Variants in ASTN2 observed in about 807,000 individuals in gnomAD.
ASTN2 encodes astrotactin 2.
A neutral mutation model predicts 139.8 loss-of-function variants in ASTN2; 54 were observed. That is an observed-to-expected ratio of 0.39 (90% CI 0.31 to 0.48). The LOEUF (loss-of-function observed/expected upper bound fraction) is 0.48, where lower values mean the gene tolerates loss of function less well. Ranked by LOEUF, ASTN2 falls within the 20% of genes least tolerant of loss-of-function variation. The probability of loss-of-function intolerance (pLI) is 0.95; values close to 1 mark genes in which losing one functional copy is unlikely to be tolerated. For synonymous variants in ASTN2, 756 were observed against 719.5 expected, an observed-to-expected ratio of 1.05 and a Z score of -0.81; for missense variants, 1,565 against 1,725.1, an observed-to-expected ratio of 0.91 and a Z score of 1.64.
chr9:116,447,986 T>C (rs1251402621), intron 20 of ASTN2, among the ~76,000 whole-genome samples: 3 of 152,122 alleles, frequency 2.0e-5, no homozygotes, highest in African/African-American at 7.2e-5. Context: ...TAATTGGCAG[T>C]GAGAGCTTCT....
chr9:116,758,076 C>T (rs969045652), intron 13 of ASTN2, among the ~76,000 whole-genome samples: 8 of 152,064 alleles, frequency 5.3e-5, no homozygotes, highest in African/African-American at 1.9e-4. Context: ...TCCACTGTGC[C>T]TCAGTTTCCT....
chr9:116,878,665 C>A (rs993810190), intron 10 of ASTN2, among the ~76,000 whole-genome samples: 2 of 151,966 alleles, frequency 1.3e-5, no homozygotes, highest in African/African-American at 4.8e-5. Flanking sequence ...ACCTATGCAA[C>A]AAACCTGCAT....
rs1193362779 is a variant in ASTN2, at chr9:117,391,669, A to G, written c.442+22828T>C. 5.3e-5 allele frequency among the ~76,000 whole-genome samples: 8 copies of G among 152,264 alleles called. No individual in the cohort carries two copies. In the East Asian group the frequency reaches 1.4e-3, roughly 26 times the overall value. On this transcript the variant is annotated intron_variant, in intron 1 of 22. Transcript: ENST00000313400. ...CCCTCCCAAATCTCATCTTGTAAGC[A>G]CATTTCAAAACCATTCATGCCTTCC...
chr9:116,594,594 C>CA (rs1854494408), intron 19 of ASTN2, among the ~76,000 whole-genome samples: 2 of 152,178 alleles, frequency 1.3e-5, no homozygotes, highest in Non-Finnish European at 2.9e-5. Context: ...ACTTTATGTT[C>CA]AGCCAGTTAA....
intron 10 of ASTN2, among the ~76,000 whole-genome samples, chr9:116,867,170 A>G (rs1833032593): frequency 6.6e-6 from 1 of 152,162 alleles, no homozygotes; most frequent in African/African-American, 2.4e-5. Context: ...ATAGAATTGG[A>G]AAAAGAAAGC....
At chr9:117,095,161 G>A (rs1828809088) in intron 5 of ASTN2, among the ~76,000 whole-genome samples, 2 of 152,204 alleles carry the variant, frequency 1.3e-5, no homozygotes, top group Non-Finnish European at 2.9e-5. Context: ...CCCATGGATG[G>A]ATCTGCCCTT....
At chr9:117,156,605 A>G (rs970207797) in intron 3 of ASTN2, among the ~76,000 whole-genome samples, 2 of 152,138 alleles carry the variant, frequency 1.3e-5, no homozygotes, top group African/African-American at 2.4e-5. Flanking sequence ...TTATTTTATG[A>G]ATCTACATCT....
intron 6 of ASTN2, among the ~76,000 whole-genome samples, chr9:117,031,816 C>T (rs73519354): frequency 0.024 from 3,714 of 152,028 alleles, 140 homozygotes; most frequent in African/African-American, 0.083. Flanking sequence ...ACTGGAAAGG[C>T]GGGCAGGGGC....
rs761906016 is a variant in ASTN2, at chr9:117,141,312, C to G, written c.1168+14G>C. The G allele has an allele frequency of 1.3e-5, 18 of 1,366,100 alleles. No individual in the cohort carries two copies. Among genetic ancestry groups the G allele is most frequent in the African/African-American group, 1.5e-5 (1 of 67,714 alleles). 84.6% of individuals were successfully genotyped at this position (1,366,100 alleles called of 1,614,324 possible). ...CCTTCTGACTTCCTGGCCAGATGTG[C>G]CAGGAGGGCCTACCTCGAGACTTGC... On this transcript the variant is annotated intron_variant, in intron 4 of 22. Transcript: ENST00000313400.
intron 6 of ASTN2, among the ~76,000 whole-genome samples, chr9:117,012,774 G>C (rs1221757528): frequency 6.6e-6 from 1 of 152,096 alleles, no homozygotes; most frequent in Admixed American, 6.5e-5. Context: ...ACCCCTTAAG[G>C]CTAGACTCCA....
intron 4 of ASTN2, among the ~76,000 whole-genome samples, chr9:117,140,942 C>G (rs1156825717): frequency 6.6e-6 from 1 of 152,138 alleles, no homozygotes; most frequent in Non-Finnish European, 1.5e-5. Flanking sequence ...GGCGCAGACC[C>G]CTGTTTCTGG....
intron 11 of ASTN2, among the ~76,000 whole-genome samples, chr9:116,848,626 A>G (rs1250048783): frequency 1.3e-5 from 2 of 152,204 alleles, no homozygotes; most frequent in African/African-American, 4.8e-5. Context: ...ATACTTCCTC[A>G]TACAACAACC....
intron 19 of ASTN2, among the ~76,000 whole-genome samples, chr9:116,527,540 T>C (rs1433890913): frequency 2.0e-5 from 3 of 152,144 alleles, no homozygotes; most frequent in Admixed American, 6.6e-5. Context: ...GGCAAAGGTG[T>C]GGAGAAAGAA....
chr9:116,525,629 C>T (rs1451481666), intron 19 of ASTN2, among the ~76,000 whole-genome samples: 1 of 152,164 alleles, frequency 6.6e-6, no homozygotes, highest in Non-Finnish European at 1.5e-5. Flanking sequence ...TAACCTGGGG[C>T]AGCAGGCACA....
chr9:117,276,115 A>G (rs1410179933), intron 2 of ASTN2, among the ~76,000 whole-genome samples: 1 of 152,218 alleles, frequency 6.6e-6, no homozygotes, highest in African/African-American at 2.4e-5. Flanking sequence ...TTTGAGCTTC[A>G]AGAACAGCTA....
At chr9:117,081,161 T>C (rs1168448904) in intron 5 of ASTN2, among the ~76,000 whole-genome samples, 1 of 152,234 alleles carries the variant, frequency 6.6e-6, no homozygotes, top group African/African-American at 2.4e-5. Context: ...TGCACATTGT[T>C]ATGCATGCTG....
chr9:116,883,226 T>C (rs2132373492), intron 10 of ASTN2, among the ~76,000 whole-genome samples: 1 of 152,342 alleles, frequency 6.6e-6, no homozygotes. Flanking sequence ...TTTCTATGTA[T>C]AACTGATGAT....
At chr9:116,783,401 C>A (rs962554212) in intron 13 of ASTN2, among the ~76,000 whole-genome samples, 1 of 146,582 alleles carries the variant, frequency 6.8e-6, no homozygotes, top group Non-Finnish European at 1.5e-5. Flanking sequence ...ATCTTGTTAA[C>A]GACCTACCAC....
At chr9:116,627,554 T>A (rs964611585) in intron 17 of ASTN2, among the ~76,000 whole-genome samples, 6 of 152,220 alleles carry the variant, frequency 3.9e-5, no homozygotes, top group Admixed American at 1.3e-4. Flanking sequence ...GTAAGCACTT[T>A]AATATACATT....
Sources: allele counts gnomAD v4.1 joint callset (sites outside exome capture counted in the v4.1 genomes callset), GRCh38; gene constraint gnomAD v4.1.1; transcripts MANE v1.5; gene names NCBI Gene and HGNC (gene_info 2026-07-23, HGNC 2026-07-21).